The following MYO5A variants were observed in gnomAD, a reference collection of about 807,000 sequenced individuals.
MYO5A encodes the protein myosin VA.
Under a neutral mutation model 249.7 loss-of-function variants are expected in MYO5A, and 98 were observed. The ratio of observed to expected loss-of-function variants is 0.39; its 90% CI spans 0.33 to 0.46. MYO5A has a LOEUF of 0.46. Ranked by LOEUF, MYO5A falls within the 20% of genes least tolerant of loss-of-function variation. MYO5A has a pLI of 0.98. For synonymous variants in MYO5A, 778 were observed against 810.6 expected, an observed-to-expected ratio of 0.96 and a Z score of 0.68; for missense variants, 1,696 against 2,308.8, an observed-to-expected ratio of 0.73 and a Z score of 5.44.
Position 52,307,950 on chromosome 15 carries a change from G to C in MYO5A, c.*5746C>G, listed in dbSNP as rs916374246. On this transcript the variant is annotated 3_prime_UTR_variant, in exon 42 of 42. Coordinates refer to ENST00000399233, the MANE Select transcript of MYO5A (RefSeq NM_001382347.1). ...CATTTAAAGAAAAAATTCACCATTT[G>C]TTGGGAAAAAATAATGGCTCAAATG... 4 of 152,062 alleles carry C rather than the reference G, an allele frequency of 2.6e-5. No individual in the cohort carries two copies. Among genetic ancestry groups the C allele is most frequent in the Non-Finnish European group, 4.4e-5 (3 of 67,982 alleles). The allele number at this position is 152,062 out of a possible 1,614,324, so 9.4% of individuals were successfully genotyped here. A position where few individuals can be genotyped will look rare whatever the true frequency, so the allele number is the denominator to read the frequency against.
At chr15:52,481,206 T>C (rs1221727415) in intron 1 of MYO5A, among the ~76,000 whole-genome samples, 1 of 152,240 alleles carries the variant, frequency 6.6e-6, no homozygotes, top group African/African-American at 2.4e-5. Flanking sequence ...TAACTCATGA[T>C]TGACACATTG....
intron 1 of MYO5A, among the ~76,000 whole-genome samples, chr15:52,495,567 T>G (rs1445364823): frequency 6.6e-6 from 1 of 152,182 alleles, no homozygotes; most frequent in Non-Finnish European, 1.5e-5. Context: ...CAAAAGAAAG[T>G]GAGGTAATGC....
chr15:52,366,803 T>G (rs759207689), intron 23 of MYO5A, among the ~76,000 whole-genome samples: 7 of 151,906 alleles, frequency 4.6e-5, no homozygotes, highest in Non-Finnish European at 1.0e-4. Flanking sequence ...TGAACCGGAG[T>G]TCACATTTGT....
At chr15:52,386,464 T>TA (rs2041976533) in intron 14 of MYO5A, among the ~76,000 whole-genome samples, 1 of 152,140 alleles carries the variant, frequency 6.6e-6, no homozygotes, top group African/African-American at 2.4e-5. Flanking sequence ...GAATAATACT[T>TA]AGAGATTGGC....
chr15:52,451,897 G>A (rs1402690328), intron 1 of MYO5A, among the ~76,000 whole-genome samples: 1 of 152,180 alleles, frequency 6.6e-6, no homozygotes, highest in African/African-American at 2.4e-5. Context: ...CATGAAGATA[G>A]GAAGATGTCT....
chr15:52,372,980 A>C (rs2041208334), intron 20 of MYO5A, among the ~76,000 whole-genome samples: 1 of 152,042 alleles, frequency 6.6e-6, no homozygotes, highest in Non-Finnish European at 1.5e-5. Context: ...TAGAAACTAA[A>C]AGATGACACT....
chr15:52,333,776 A>C (rs971750741), intron 34 of MYO5A, among the ~76,000 whole-genome samples: 9 of 152,222 alleles, frequency 5.9e-5, no homozygotes, highest in Non-Finnish European at 8.8e-5. Context: ...GTGCTATTTT[A>C]AACCAAAAGG....
intron 25 of MYO5A, among the ~76,000 whole-genome samples, chr15:52,359,728 C>T (rs1185733954): frequency 6.6e-6 from 1 of 152,012 alleles, no homozygotes; most frequent in African/African-American, 2.4e-5. Flanking sequence ...ATCAAAATTG[C>T]ATTAAAAATT....
chr15:52,356,585 T>C (rs1233426517), intron 25 of MYO5A, among the ~76,000 whole-genome samples: 2 of 152,092 alleles, frequency 1.3e-5, no homozygotes, highest in East Asian at 3.9e-4. Context: ...AATTTTTTGC[T>C]ATTGGAATAT....
intron 1 of MYO5A, among the ~76,000 whole-genome samples, chr15:52,494,427 G>C (rs2076997678): frequency 6.6e-6 from 1 of 152,152 alleles, no homozygotes; most frequent in African/African-American, 2.4e-5. Context: ...ATATACTATA[G>C]TATTTAGTCA....
At position 52,452,469 on chromosome 15, in the gene MYO5A, T is replaced by C. The variant is rs980935519; in HGVS notation, c.28-19184A>G. ...GAGTGCCTGAAGGGTGAAATACCCC[T>C]GAGGACAGCCAGAAACAAAGAGAGG... On this transcript the variant is annotated intron_variant, in intron 1 of 41. Transcript: ENST00000399233. Among the ~76,000 whole-genome samples the C allele has an allele frequency of 5.3e-5, 8 of 152,228 alleles. No individual in the cohort carries two copies. The Middle Eastern group carries it at 0.01, about 194-fold the overall frequency.
Position 52,313,471 on chromosome 15 carries a change from T to G in MYO5A, c.*225A>C. 1 of 552,630 alleles carries G rather than the reference T, an allele frequency of 1.8e-6. No individual in the cohort carries two copies. Among genetic ancestry groups the G allele is most frequent in the East Asian group, 3.4e-5 (1 of 29,630 alleles). 34.2% of individuals were successfully genotyped at this position (552,630 alleles called of 1,614,324 possible). ...CTGTATGTAAACTCACGGTACCTAG[T>G]TGGTTAAGGATGAGTGTTGCTATAA... On this transcript the variant is annotated 3_prime_UTR_variant, in exon 42 of 42. Transcript: ENST00000399233.
intron 1 of MYO5A, among the ~76,000 whole-genome samples, chr15:52,465,974 T>C (rs1385463678): frequency 2.0e-5 from 3 of 151,814 alleles, no homozygotes; most frequent in African/African-American, 4.8e-5. Context: ...ATCCCCAATA[T>C]GGAAAAGGGT....
chr15:52,324,639 G>A (rs994037966), intron 36 of MYO5A, among the ~76,000 whole-genome samples: 1 of 152,110 alleles, frequency 6.6e-6, no homozygotes, highest in Non-Finnish European at 1.5e-5. Flanking sequence ...CAGGTTCTTA[G>A]AAGCTGTATG....
chr15:52,425,802 T>A (rs1188753110), intron 4 of MYO5A, 28 bp downstream of exon 4: 5 of 1,611,776 alleles, frequency 3.1e-6, no homozygotes, highest in Non-Finnish European at 4.2e-6. Context: ...ATAACTGCCA[T>A]AAAATAACAA....
At chr15:52,392,282 T>C (rs981304556) in intron 11 of MYO5A, among the ~76,000 whole-genome samples, 8 of 152,218 alleles carry the variant, frequency 5.3e-5, no homozygotes, top group Non-Finnish European at 7.3e-5. Context: ...TCTAGGTATA[T>C]AAATATTTTA....
Position 52,328,467 on chromosome 15 carries a change from C to A in MYO5A, c.4556-461G>T, listed in dbSNP as rs368466068. Among the ~76,000 whole-genome samples the A allele has an allele frequency of 7.9e-5, 12 of 152,232 alleles. 1 individual carries two copies. Among genetic ancestry groups the A allele is most frequent in the Admixed American group, 7.2e-4 (11 of 15,286 alleles). On this transcript the variant is annotated intron_variant, in intron 35 of 41. Coordinates refer to ENST00000399233, the MANE Select transcript of MYO5A (RefSeq NM_001382347.1). Reference sequence around the variant, plus strand: ...CCACATATCCAATCCATCAACAAACCCTGTTGGCTCTATCTACAAAATACA... The same window carrying A: ...CCACATATCCAATCCATCAACAAACACTGTTGGCTCTATCTACAAAATACA...
chr15:52,428,304 A>G, intron 3 of MYO5A, 94 bp downstream of exon 3: 3 of 1,348,362 alleles, frequency 2.2e-6, no homozygotes, highest in South Asian at 2.4e-5. Flanking sequence ...AGAAAATCCA[A>G]CCACAGCCTG....
intron 1 of MYO5A, among the ~76,000 whole-genome samples, chr15:52,521,681 C>T (rs2077625016): frequency 6.6e-6 from 1 of 152,192 alleles, no homozygotes; most frequent in Non-Finnish European, 1.5e-5. Flanking sequence ...CTACAATTGG[C>T]AAAAAGCCTT....
Sources: allele counts gnomAD v4.1 joint callset (sites outside exome capture counted in the v4.1 genomes callset), GRCh38; gene constraint gnomAD v4.1.1; transcripts MANE v1.5; gene names NCBI Gene and HGNC (gene_info 2026-07-23, HGNC 2026-07-21).